FBXL17: variants seen among roughly 807,000 people sequenced by gnomAD.
FBXL17 encodes the protein F-box and leucine rich repeat protein 17.
A neutral mutation model predicts 66.2 loss-of-function variants in FBXL17; 22 were observed. The observed-to-expected ratio is 0.33, with a 90% confidence interval of 0.24 to 0.47. The LOEUF is 0.47. Among genes scored for constraint, FBXL17 ranks in the 20% least tolerant of loss-of-function variants. FBXL17 has a pLI of 1.00. For synonymous variants in FBXL17, 474 were observed against 400.5 expected, an observed-to-expected ratio of 1.18 and a Z score of -2.19; for missense variants, 878 against 948.2, an observed-to-expected ratio of 0.93 and a Z score of 0.97.
chr5:108,100,216 A>T (rs1049808640), intron 6 of FBXL17, among the ~76,000 whole-genome samples: 1 of 152,180 alleles, frequency 6.6e-6, no homozygotes, highest in Non-Finnish European at 1.5e-5. Context: ...AGTACCTTAG[A>T]TCTTTGGACT....
At chr5:108,209,892 C>A (rs1252270392) in intron 5 of FBXL17, among the ~76,000 whole-genome samples, 1 of 152,162 alleles carries the variant, frequency 6.6e-6, no homozygotes, top group Non-Finnish European at 1.5e-5. Context: ...ATGGTACCAG[C>A]TCCTCTTTGT....
chr5:107,968,781 C>T (rs1752250467), intron 7 of FBXL17, among the ~76,000 whole-genome samples: 1 of 152,132 alleles, frequency 6.6e-6, no homozygotes. Flanking sequence ...ATGAACCTTG[C>T]TTGGAGTCTA....
At chr5:108,197,618 C>T (rs1271505223) in intron 5 of FBXL17, among the ~76,000 whole-genome samples, 1 of 152,126 alleles carries the variant, frequency 6.6e-6, no homozygotes, top group African/African-American at 2.4e-5. Flanking sequence ...TGTACACTGG[C>T]CTCTTGATCT....
At chr5:108,190,339 T>C (rs980609646) in intron 5 of FBXL17, among the ~76,000 whole-genome samples, 2 of 152,206 alleles carry the variant, frequency 1.3e-5, no homozygotes, top group Non-Finnish European at 2.9e-5. Context: ...ACAGTCAGTT[T>C]TGATGTGGCC....
chr5:107,871,127 G>C (rs1047049146), intron 8 of FBXL17, among the ~76,000 whole-genome samples: 18 of 143,100 alleles, frequency 1.3e-4, no homozygotes, highest in African/African-American at 4.7e-4. Flanking sequence ...TACTGAGAAT[G>C]CAATGAACCT....
intron 4 of FBXL17, among the ~76,000 whole-genome samples, chr5:108,237,548 T>C (rs767878349): frequency 7.9e-5 from 12 of 152,302 alleles, no homozygotes; most frequent in Non-Finnish European, 1.6e-4. Flanking sequence ...TATAGAGACA[T>C]ATGAGCTTAA....
At chr5:107,930,492 C>T (rs1276390435) in intron 7 of FBXL17, among the ~76,000 whole-genome samples, 3 of 152,204 alleles carry the variant, frequency 2.0e-5, no homozygotes, top group Non-Finnish European at 4.4e-5. Flanking sequence ...TGTAAATTCC[C>T]TGAAGCACTA....
chr5:107,904,402 C>A (rs952377815), intron 7 of FBXL17, among the ~76,000 whole-genome samples: 1 of 152,154 alleles, frequency 6.6e-6, no homozygotes, highest in East Asian at 1.9e-4. Context: ...GGATCCTCAT[C>A]ATCTCTCCCC....
intron 4 of FBXL17, among the ~76,000 whole-genome samples, chr5:108,295,096 TAA>T (rs1379637053): frequency 2.0e-5 from 3 of 152,100 alleles, no homozygotes; most frequent in East Asian, 1.9e-4. Flanking sequence ...AATATTTATA[TAA>T]GAGTACACTT....
chr5:108,114,566 T>A (rs568265463), intron 6 of FBXL17, among the ~76,000 whole-genome samples: 1 of 152,166 alleles, frequency 6.6e-6, no homozygotes, highest in Admixed American at 6.5e-5. Flanking sequence ...CTAAGTGACT[T>A]TTATATTCTT....
intron 4 of FBXL17, among the ~76,000 whole-genome samples, chr5:108,271,529 A>G (rs559581170): frequency 4.9e-4 from 75 of 152,348 alleles, no homozygotes; most frequent in Non-Finnish European, 1.0e-3. Flanking sequence ...AACACACATT[A>G]TCAAGGATGG....
At chr5:108,132,403 T>C (rs1350806462) in intron 6 of FBXL17, among the ~76,000 whole-genome samples, 1 of 152,164 alleles carries the variant, frequency 6.6e-6, no homozygotes, top group East Asian at 1.9e-4. Context: ...GTGTTATATA[T>C]AAAAGAACAG....
At chr5:108,220,069 T>C (rs1190604542) in intron 5 of FBXL17, among the ~76,000 whole-genome samples, 1 of 152,008 alleles carries the variant, frequency 6.6e-6, no homozygotes, top group Non-Finnish European at 1.5e-5. Context: ...TTTATCTAAG[T>C]AGTACTTTAG....
Position 107,957,088 on chromosome 5 carries a change from C to T in FBXL17, c.1822+63837G>A, listed in dbSNP as rs1751692283. ...AGATTTACATGGCTTCACTGCTTTACTTAATATAGTCACTTCCTGATTATT... is the reference window on the plus strand; with the variant it reads ...AGATTTACATGGCTTCACTGCTTTATTTAATATAGTCACTTCCTGATTATT... On this transcript the variant is annotated intron_variant, in intron 7 of 8. Transcript: ENST00000542267. Among the ~76,000 whole-genome samples the T allele has an allele frequency of 2.6e-5, 4 of 152,172 alleles. 1 individual carries two copies. The highest frequency in any genetic ancestry group is 2.6e-4 in the Admixed American group (4 of 15,276).
intron 7 of FBXL17, among the ~76,000 whole-genome samples, chr5:107,929,476 T>A (rs183023085): frequency 9.8e-5 from 15 of 152,314 alleles, no homozygotes; most frequent in Admixed American, 6.5e-4. Context: ...AGGATATATG[T>A]GTGTGCAATA....
intron 7 of FBXL17, among the ~76,000 whole-genome samples, chr5:108,015,007 T>C (rs979282997): frequency 6.6e-6 from 1 of 152,218 alleles, no homozygotes; most frequent in South Asian, 2.1e-4. Context: ...CTATCTCCCA[T>C]TGGGTCTCTC....
At chr5:108,237,601 A>T (rs939855225) in intron 4 of FBXL17, among the ~76,000 whole-genome samples, 1 of 152,196 alleles carries the variant, frequency 6.6e-6, no homozygotes, top group Non-Finnish European at 1.5e-5. Flanking sequence ...TTGCAGGTCC[A>T]TGACTGATGG....
intron 7 of FBXL17, among the ~76,000 whole-genome samples, chr5:107,944,692 T>C (rs1223694627): frequency 6.6e-6 from 1 of 152,172 alleles, no homozygotes; most frequent in Non-Finnish European, 1.5e-5. Context: ...CTGCCACATG[T>C]TCTGGAATGT....
At chr5:107,889,696 A>G (rs1335552428) in intron 7 of FBXL17, among the ~76,000 whole-genome samples, 1 of 152,194 alleles carries the variant, frequency 6.6e-6, no homozygotes, top group Non-Finnish European at 1.5e-5. Context: ...TTTCCTTCCT[A>G]TGAGATGAAC....
Sources: gnomAD v4.1 joint callset for allele counts (sites outside exome capture counted in the v4.1 genomes callset) on GRCh38, gnomAD v4.1.1 for gene constraint, MANE v1.5 for transcripts, NCBI Gene and HGNC (gene_info 2026-07-23, HGNC 2026-07-21) for gene names.